The following PTPDC1 variants were observed in gnomAD, a reference collection of about 807,000 sequenced individuals.
The protein encoded by PTPDC1 is protein tyrosine phosphatase domain containing 1.
Under a neutral mutation model 75.3 loss-of-function variants are expected in PTPDC1, and 53 were observed. That is an observed-to-expected ratio of 0.70 (90% CI 0.56 to 0.88). The LOEUF is 0.88. Ranked by LOEUF, PTPDC1 falls within the 40% of genes least tolerant of loss-of-function variation. The pLI is 0.00. For missense variants in PTPDC1, 925 were observed against 998.6 expected (o/e 0.93, Z 0.99); for synonymous variants, 349 against 366.2 (o/e 0.95, Z 0.54).
rs142061200 is a variant in PTPDC1, at chr9:94,107,892, C to A, written c.2375C>A (p.Thr792Lys). 6.2e-7 allele frequency: 1 copy of A among 1,609,494 alleles called. No homozygotes were observed. Among genetic ancestry groups the A allele is most frequent in the South Asian group, 1.1e-5 (1 of 90,372 alleles). ...ACCCTGAAGAAAATATTTAAGCACA[C>A]GCTGGAAGAAAAAAGAAAAATGACA... ...YNTLKKIFKH[T>K]LEEKRKMTKD... Residue 792 changes from threonine to lysine, a missense_variant, in exon 9 of 9, where the codon ACG becomes AAG. Thr to Lys is a moderately conservative substitution (Grantham distance 78). Coordinates refer to ENST00000620992, the MANE Select transcript of PTPDC1 (RefSeq NM_001253829.2).
chr9:94,046,484 A>G (rs949147322), intron 1 of PTPDC1, among the ~76,000 whole-genome samples: 5 of 152,134 alleles, frequency 3.3e-5, no homozygotes, highest in Non-Finnish European at 7.4e-5. Context: ...TGAGCATGGA[A>G]TGTTCTTCCA....
intron 7 of PTPDC1, 123 bp downstream of exon 7, chr9:94,101,874 A>G: frequency 1.7e-6 from 1 of 581,786 alleles, no homozygotes; most frequent in East Asian, 3.0e-5. Context: ...ATCTAATTTA[A>G]TAGTTTTTCC....
chr9:94,031,179 T>C (rs1167543879), intron 1 of PTPDC1: 1 of 152,192 alleles, frequency 6.6e-6, no homozygotes, highest in Non-Finnish European at 1.5e-5. Context: ...TTCTTTCAGA[T>C]TTGTTTTTTT....
At chr9:94,069,985 C>T (rs1286720819) in intron 2 of PTPDC1, among the ~76,000 whole-genome samples, 5 of 151,772 alleles carry the variant, frequency 3.3e-5, no homozygotes, top group East Asian at 3.9e-4. Flanking sequence ...CCACCACGCC[C>T]GGCTAATTTT....
intron 1 of PTPDC1, among the ~76,000 whole-genome samples, chr9:94,041,805 A>G (rs1417277938): frequency 2.6e-5 from 4 of 152,142 alleles, no homozygotes; most frequent in African/African-American, 9.7e-5. Flanking sequence ...CCTAAAATTA[A>G]TCATTTCAAC....
In PTPDC1 at chr9:94,109,437, G is replaced by A. The variant is rs1828125289; in HGVS notation, c.*1493G>A. 1 of 152,164 alleles carries A rather than the reference G, an allele frequency of 6.6e-6. No individual in the cohort carries two copies. Among genetic ancestry groups the A allele is most frequent in the South Asian group, 2.1e-4 (1 of 4,826 alleles). The allele number at this position is 152,164 out of a possible 1,614,324, so 9.4% of individuals were successfully genotyped here. A position where few individuals can be genotyped will look rare whatever the true frequency, so the allele number is the denominator to read the frequency against. On this transcript the variant is annotated 3_prime_UTR_variant, in exon 9 of 9. Transcript: ENST00000620992. ...TGAAATGCCAAATGCTAAATGCAGT[G>A]TTCTTTCACACTGTTTTAATTTTCT...
intron 7 of PTPDC1, among the ~76,000 whole-genome samples, chr9:94,101,980 C>T (rs1270370646): frequency 1.3e-5 from 2 of 152,158 alleles, no homozygotes; most frequent in Non-Finnish European, 2.9e-5. Context: ...GCACTGCAAA[C>T]ATTTTCAAAC....
chr9:94,031,653 C>A (rs1239436983), intron 1 of PTPDC1, among the ~76,000 whole-genome samples: 4 of 151,878 alleles, frequency 2.6e-5, no homozygotes, highest in Non-Finnish European at 4.4e-5. Flanking sequence ...GAAAAAAGAT[C>A]GTAGATATTA....
At chr9:94,100,893 G>A (rs1827812659) in intron 6 of PTPDC1, 1 of 152,102 alleles carries the variant, frequency 6.6e-6, no homozygotes, top group Non-Finnish European at 1.5e-5. Context: ...AAAATCTCAT[G>A]CTTAAATTTT....
At chr9:94,078,521 C>G (rs961291781) in intron 2 of PTPDC1, among the ~76,000 whole-genome samples, 2 of 152,112 alleles carry the variant, frequency 1.3e-5, no homozygotes, top group Non-Finnish European at 2.9e-5. Context: ...TGTTTTTCAT[C>G]AGATTTGGGA....
intron 2 of PTPDC1, among the ~76,000 whole-genome samples, chr9:94,074,819 C>T (rs1242195180): frequency 6.6e-6 from 1 of 152,122 alleles, no homozygotes; most frequent in African/African-American, 2.4e-5. Flanking sequence ...GTCTTGTGGA[C>T]GCCAATTGAA....
intron 1 of PTPDC1, among the ~76,000 whole-genome samples, chr9:94,039,177 C>A (rs1232539514): frequency 5.3e-5 from 8 of 151,880 alleles, no homozygotes. Context: ...TATGTGTGAT[C>A]ATAAGACTTA....
Position 94,099,412 on chromosome 9 carries a change from T to C in PTPDC1, c.2013+833T>C, listed in dbSNP as rs191014599. ...CTTGACTTTTGAGCCCATAACCTAC[T>C]GTGAATTATTTTAATAGCTCGCTTT... On this transcript the variant is annotated intron_variant, in intron 6 of 8. Coordinates refer to ENST00000620992, the MANE Select transcript of PTPDC1 (RefSeq NM_001253829.2). 8.5e-5 allele frequency among the ~76,000 whole-genome samples: 13 copies of C among 152,262 alleles called. No homozygotes were observed. In the East Asian group the frequency reaches 9.6e-4, roughly 11 times the overall value.
intron 1 of PTPDC1, among the ~76,000 whole-genome samples, chr9:94,061,024 T>C (rs1213482729): frequency 3.3e-5 from 5 of 152,148 alleles, no homozygotes; most frequent in African/African-American, 1.2e-4. Flanking sequence ...CAAAGTCTTA[T>C]CAGAGACAAG....
At chr9:94,056,369 C>T (rs1178254284) in intron 1 of PTPDC1, among the ~76,000 whole-genome samples, 1 of 152,066 alleles carries the variant, frequency 6.6e-6, no homozygotes, top group Non-Finnish European at 1.5e-5. Flanking sequence ...TCTTCTGCTA[C>T]GATTGCTGTC....
chr9:94,084,088 A>AT (rs1826978281), upstream of PTPDC1, among the ~76,000 whole-genome samples: 1 of 152,134 alleles, frequency 6.6e-6, no homozygotes, highest in African/African-American at 2.4e-5. Context: ...TAGAAAGGTA[A>AT]TTTTTTTCAA....
At chr9:94,043,801 G>A (rs1472585630) in intron 1 of PTPDC1, among the ~76,000 whole-genome samples, 1 of 152,162 alleles carries the variant, frequency 6.6e-6, no homozygotes, top group Non-Finnish European at 1.5e-5. Context: ...GATAGTTTCT[G>A]CATTTATATT....
chr9:94,095,044 C>T (rs1200240780), intron 4 of PTPDC1, among the ~76,000 whole-genome samples: 3 of 152,256 alleles, frequency 2.0e-5, no homozygotes, highest in African/African-American at 4.8e-5. Flanking sequence ...TCTTCTGCGT[C>T]GCTCACGCTG....
intron 7 of PTPDC1, among the ~76,000 whole-genome samples, chr9:94,102,272 A>T (rs934432825): frequency 1.5e-4 from 23 of 152,010 alleles, no homozygotes; most frequent in Admixed American, 4.6e-4. Flanking sequence ...CGTATTTTTA[A>T]AAAGGGGTAG....
Sources: gnomAD v4.1 joint callset for allele counts (sites outside exome capture counted in the v4.1 genomes callset) on GRCh38, gnomAD v4.1.1 for gene constraint, MANE v1.5 for transcripts, NCBI Gene and HGNC (gene_info 2026-07-23, HGNC 2026-07-21) for gene names.